The following SYT17 variants were observed in gnomAD, a reference collection of about 807,000 sequenced individuals.
SYT17 encodes synaptotagmin 17.
SYT17 carries 22 observed loss-of-function variants against 46.7 expected under a neutral mutation model. The ratio of observed to expected loss-of-function variants is 0.47; its 90% CI spans 0.34 to 0.67. The LOEUF (loss-of-function observed/expected upper bound fraction) is 0.67. Among genes scored for constraint, SYT17 ranks in the 30% least tolerant of loss-of-function variants. The pLI is 0.01. For missense variants in SYT17, 519 were observed against 612.8 expected (o/e 0.85, Z 1.62); for synonymous variants, 251 against 248.4 (o/e 1.01, Z -0.10).
intron 3 of SYT17, among the ~76,000 whole-genome samples, chr16:19,177,930 G>A (rs548326500): frequency 1.3e-5 from 2 of 152,370 alleles, no homozygotes; most frequent in East Asian, 1.9e-4. Context: ...GCGATTGGGA[G>A]TGTGTGCCAT....
chr16:19,216,145 A>G lies in SYT17; in HGVS notation c.952-6900A>G, dbSNP rs892330151. On this transcript the variant is annotated intron_variant, in intron 5 of 7. Transcript: ENST00000355377. ...ATATTGATAAATTCAGGATCAGAAC[A>G]CAACAAAGAGTATTGGGGCTTTAGT... is the stretch of plus-strand genomic sequence containing the variant. Among the ~76,000 whole-genome samples, 6 of 152,136 alleles carry G rather than the reference A, an allele frequency of 3.9e-5. No individual in the cohort carries two copies. In the East Asian group the frequency reaches 9.6e-4, roughly 24 times the overall value.
intron 5 of SYT17, among the ~76,000 whole-genome samples, chr16:19,202,077 T>C (rs759121950): frequency 1.3e-5 from 2 of 152,160 alleles, no homozygotes; most frequent in Non-Finnish European, 2.9e-5. Context: ...TCTCCATTTC[T>C]CTGGACACCA....
At chr16:19,241,976 T>C (rs1967167325) in intron 7 of SYT17, among the ~76,000 whole-genome samples, 1 of 151,550 alleles carries the variant, frequency 6.6e-6, no homozygotes, top group South Asian at 2.1e-4. Context: ...GGAGTCATTA[T>C]TGCCCTTTTA....
At chr16:19,194,278 T>C (rs1405632999) in intron 5 of SYT17, among the ~76,000 whole-genome samples, 1 of 152,124 alleles carries the variant, frequency 6.6e-6, no homozygotes, top group Non-Finnish European at 1.5e-5. Flanking sequence ...TCTATAGCTG[T>C]CTCCATTCAG....
At position 19,227,708 on chromosome 16, in the gene SYT17, T is replaced by C. The variant is rs554346741; in HGVS notation, c.1228+2870T>C. On this transcript the variant is annotated intron_variant, in intron 7 of 7. Coordinates refer to ENST00000355377, the MANE Select transcript of SYT17 (RefSeq NM_016524.4). The stretch of plus-strand genomic sequence containing the variant: ...TGCTGTGTAGCATTCCACACTTTTT[T>C]CCTTGTTCACACAAACAATATCCAC... Among the ~76,000 whole-genome samples, 311 of 152,336 alleles carry C rather than the reference T, an allele frequency of 2.0e-3. 1 individual carries two copies. Among genetic ancestry groups the C allele is most frequent in the African/African-American group, 7.1e-3 (294 of 41,576 alleles).
At chr16:19,178,491 C>T (rs994932118) in intron 3 of SYT17, among the ~76,000 whole-genome samples, 2 of 152,064 alleles carry the variant, frequency 1.3e-5, no homozygotes, top group African/African-American at 4.8e-5. Flanking sequence ...GGGGTTTCGC[C>T]ATGTCGGCCG....
At chr16:19,254,632 G>T (rs1968431525) in intron 7 of SYT17, among the ~76,000 whole-genome samples, 1 of 152,196 alleles carries the variant, frequency 6.6e-6, no homozygotes, top group Admixed American at 6.5e-5. Context: ...CATCCCCAAA[G>T]CTCATGACGT....
At chr16:19,182,744 A>G (rs751389589) in intron 4 of SYT17, among the ~76,000 whole-genome samples, 4 of 152,256 alleles carry the variant, frequency 2.6e-5, no homozygotes, top group Non-Finnish European at 5.9e-5. Context: ...CTTGGGATCA[A>G]TGCATTCTGC....
At chr16:19,262,813 C>T (rs1478568142) in intron 7 of SYT17, among the ~76,000 whole-genome samples, 1 of 152,170 alleles carries the variant, frequency 6.6e-6, no homozygotes, top group Non-Finnish European at 1.5e-5. Context: ...ACAGTTAGCA[C>T]AGACAAGCTG....
At chr16:19,181,998 T>TC (rs1162373838) in intron 4 of SYT17, among the ~76,000 whole-genome samples, 1 of 76,864 alleles carries the variant, frequency 1.3e-5, no homozygotes, top group Non-Finnish European at 2.6e-5. Context: ...AAACTCTGTC[T>TC]CAAAAAAAAA....
chr16:19,255,534 C>T (rs1311004247), intron 7 of SYT17, among the ~76,000 whole-genome samples: 1 of 152,070 alleles, frequency 6.6e-6, no homozygotes, highest in Non-Finnish European at 1.5e-5. Flanking sequence ...CACCTGTAAT[C>T]CAACACTTTG....
rs918681071 is a variant in SYT17 at position 19,239,278 on chromosome 16, AAATT to A, written c.1228+14463_1228+14466del. On this transcript the variant is annotated intron_variant, in intron 7 of 7. Coordinates refer to ENST00000355377, the MANE Select transcript of SYT17 (RefSeq NM_016524.4). ...GACAACAGAGCAAGACCCTGTCTCA[AAATT>A]AATTAATTAATTAATTAATTAAACA... 2.3e-4 allele frequency among the ~76,000 whole-genome samples: 35 copies of A among 151,418 alleles called. No homozygotes were observed. In the Middle Eastern group the frequency reaches 0.014, roughly 61 times the overall value.
intron 5 of SYT17, among the ~76,000 whole-genome samples, chr16:19,191,824 C>T (rs1438162576): frequency 1.3e-5 from 2 of 152,004 alleles, no homozygotes; most frequent in South Asian, 2.1e-4. Flanking sequence ...CTCACTTTGT[C>T]GCCAGACTGG....
At chr16:19,204,949 A>G (rs1965608369) in intron 5 of SYT17, among the ~76,000 whole-genome samples, 1 of 152,094 alleles carries the variant, frequency 6.6e-6, no homozygotes, top group Admixed American at 6.5e-5. Context: ...CCCAGGAGCC[A>G]TAGCCTACAC....
chr16:19,253,710 T>C (rs972605168), intron 7 of SYT17, among the ~76,000 whole-genome samples: 1 of 152,152 alleles, frequency 6.6e-6, no homozygotes, highest in Admixed American at 6.5e-5. Flanking sequence ...GTAACACCTC[T>C]GGACTCTCTT....
chr16:19,222,820 ATTG>A (rs1160984864), intron 5 of SYT17, among the ~76,000 whole-genome samples: 1 of 152,126 alleles, frequency 6.6e-6, no homozygotes, highest in Non-Finnish European at 1.5e-5. Context: ...TTTTGTTGTT[ATTG>A]TTGTTGCTGT....
At chr16:19,237,360 T>C (rs1010781474) in intron 7 of SYT17, among the ~76,000 whole-genome samples, 2 of 152,132 alleles carry the variant, frequency 1.3e-5, no homozygotes, top group African/African-American at 2.4e-5. Flanking sequence ...ACCCACACTT[T>C]TGAGGCAGGA....
rs1963955383 is a variant in SYT17 at position 19,168,590 on chromosome 16, G to A, written c.-57G>A. The A allele has an allele frequency of 6.5e-7, 1 of 1,542,894 alleles. No individual in the cohort carries two copies. The highest frequency in any genetic ancestry group is 8.8e-7 in the Non-Finnish European group (1 of 1,142,800). ...TTCTTCCCCCTCCGCTGTTGGCGAG[G>A]GCAAAGTGGCCGTGGCGGCGCCATG... On this transcript the variant is annotated 5_prime_UTR_variant, in exon 1 of 8. Coordinates refer to ENST00000355377, the MANE Select transcript of SYT17 (RefSeq NM_016524.4). This position sits in a 1 kb window ranked among gnomAD's most constrained non-coding sequence, Gnocchi z 6.9.
At chr16:19,169,475 G>C (rs1478907554) in intron 1 of SYT17, among the ~76,000 whole-genome samples, 2 of 152,212 alleles carry the variant, frequency 1.3e-5, no homozygotes, top group Non-Finnish European at 2.9e-5. Flanking sequence ...GCGCCTCTGA[G>C]CTGGGCAGAG....
Sources: gnomAD v4.1 joint callset for allele counts (sites outside exome capture counted in the v4.1 genomes callset) on GRCh38, gnomAD v4.1.1 for gene constraint, Gnocchi (gnomAD v3.1) non-coding constraint, MANE v1.5 for transcripts, NCBI Gene and HGNC (gene_info 2026-07-23, HGNC 2026-07-21) for gene names.